The following STX12 variants were observed in gnomAD, a reference collection of about 807,000 sequenced individuals.
The protein encoded by STX12 is syntaxin 12, also known as syntaxin-12.
STX12 carries 17 observed loss-of-function variants against 42.2 expected under a neutral mutation model. The ratio of observed to expected loss-of-function variants is 0.40; its 90% CI spans 0.28 to 0.60. The LOEUF is 0.60. Among genes scored for constraint, STX12 ranks in the 20% least tolerant of loss-of-function variants. STX12 has a pLI of 0.39. For synonymous variants in STX12, 108 were observed against 116.7 expected (o/e 0.93, Z 0.48); for missense variants, 297 against 330.9 (o/e 0.90, Z 0.79).
At chr1:27,780,765 A>G (rs1266214688) in intron 1 of STX12, among the ~76,000 whole-genome samples, 2 of 152,018 alleles carry the variant, frequency 1.3e-5, no homozygotes, top group Non-Finnish European at 2.9e-5. Context: ...CAGCCTGGGC[A>G]ACTTGGCGAA....
chr1:27,801,925 T>A, intron 4 of STX12, 110 bp downstream of exon 4: 1 of 1,371,798 alleles, frequency 7.3e-7, no homozygotes. Context: ...TTAGCTGCTG[T>A]GAAAATGGCA....
intron 8 of STX12, among the ~76,000 whole-genome samples, chr1:27,820,889 T>C (rs967252740): frequency 5.9e-5 from 9 of 151,924 alleles, no homozygotes; most frequent in African/African-American, 1.2e-4. Flanking sequence ...ATGGATGAAA[T>C]TGGAAATCAT....
In STX12 at chr1:27,793,649, T is replaced by C; in HGVS notation, c.288+17T>C. On this transcript the variant is annotated intron_variant, in intron 3 of 8. Transcript: ENST00000373943. ...TCAGAACAGGTTGGTATTTTCTGTT[T>C]TGTTTATTAATAGGAAAGGACTTTG... The C allele has an allele frequency of 6.2e-7, 1 of 1,602,544 alleles. No homozygotes were observed. The highest frequency in any genetic ancestry group is 8.5e-7 in the Non-Finnish European group (1 of 1,169,884).
At chr1:27,776,965 A>G (rs1234778760) in intron 1 of STX12, among the ~76,000 whole-genome samples, 1 of 152,178 alleles carries the variant, frequency 6.6e-6, no homozygotes, top group African/African-American at 2.4e-5. Flanking sequence ...AGTCCCAAAC[A>G]TATGAAAGAT....
At position 27,793,522 on chromosome 1, in the gene STX12, T is replaced by C. The variant is rs996637508; in HGVS notation, c.189-11T>C. The C allele has an allele frequency of 5.2e-5, 84 of 1,612,082 alleles. No homozygotes were observed. The highest frequency in any genetic ancestry group is 7.0e-5 in the Non-Finnish European group (83 of 1,178,216). The stretch of plus-strand genomic sequence containing the variant: ...GTGACAACATCCTGAAACATATCTT[T>C]TCTCTCTTAGGCAACAGTTACAACA... On this transcript the variant is annotated splice_polypyrimidine_tract_variant and intron_variant, in intron 2 of 8. Coordinates refer to ENST00000373943, the MANE Select transcript of STX12 (RefSeq NM_177424.3).
chr1:27,781,627 T>C (rs188489283), intron 1 of STX12, among the ~76,000 whole-genome samples: 79 of 152,310 alleles, frequency 5.2e-4, no homozygotes, highest in African/African-American at 1.9e-3. Flanking sequence ...TTGGTGTATT[T>C]CCTTTGAATT....
intron 8 of STX12, among the ~76,000 whole-genome samples, chr1:27,821,056 T>C (rs1288254312): frequency 2.0e-5 from 3 of 148,344 alleles, no homozygotes; most frequent in Non-Finnish European, 4.5e-5. Flanking sequence ...TTGGGAGATA[T>C]ACCTAATGCT....
intron 3 of STX12, among the ~76,000 whole-genome samples, chr1:27,799,484 TTTTTG>T (rs2088812080): frequency 6.7e-6 from 1 of 148,918 alleles, no homozygotes; most frequent in African/African-American, 2.6e-5. Flanking sequence ...CTTGTTTTTT[TTTTTG>T]TTTTTTTTTT....
intron 4 of STX12, among the ~76,000 whole-genome samples, chr1:27,803,974 C>A (rs1011624562): frequency 6.6e-6 from 1 of 151,770 alleles, no homozygotes; most frequent in Non-Finnish European, 1.5e-5. Flanking sequence ...GTGCTCCAGC[C>A]TGGGCGACAC....
chr1:27,809,333 CAA>C (rs1208072414), intron 4 of STX12, among the ~76,000 whole-genome samples: 2 of 113,948 alleles, frequency 1.8e-5, no homozygotes, highest in Non-Finnish European at 1.8e-5. Context: ...GATTCCATCT[CAA>C]AAAAAAAAAA....
At chr1:27,814,835 C>G (rs985937367) in intron 6 of STX12, among the ~76,000 whole-genome samples, 1 of 135,148 alleles carries the variant, frequency 7.4e-6, no homozygotes, top group African/African-American at 3.1e-5. Context: ...GAGACTCTGT[C>G]TCAAAAAAAA....
chr1:27,781,969 AC>A (rs1445136316), intron 1 of STX12, among the ~76,000 whole-genome samples: 1 of 152,148 alleles, frequency 6.6e-6, no homozygotes, highest in East Asian at 1.9e-4. Context: ...CCTCACAACA[AC>A]CATATGAAGA....
rs568497609 is a variant in STX12 at position 27,792,307 on chromosome 1, T to C, written c.189-1226T>C. Among the ~76,000 whole-genome samples, 293 of 134,224 alleles carry C rather than the reference T, an allele frequency of 2.2e-3. 26 individuals carry two copies. Among genetic ancestry groups the C allele is most frequent in the African/African-American group, 4.0e-3 (131 of 33,136 alleles). 88.1% of individuals were successfully genotyped at this position (134,224 alleles called of 152,430 possible). A position where few individuals can be genotyped will look rare whatever the true frequency, so the allele number is the denominator to read the frequency against. On this transcript the variant is annotated intron_variant, in intron 2 of 8. Transcript: ENST00000373943. ...ATGTAGATACATATATATGTATCTATATATATGTAGATACATATATATGTA... is the reference window on the plus strand; with the variant it reads ...ATGTAGATACATATATATGTATCTACATATATGTAGATACATATATATGTA...
intron 4 of STX12, among the ~76,000 whole-genome samples, chr1:27,807,691 C>A (rs1050244151): frequency 6.6e-6 from 1 of 152,128 alleles, no homozygotes; most frequent in Non-Finnish European, 1.5e-5. Flanking sequence ...AGCAATTCTA[C>A]CCTAGAGAAA....
rs143058250 is a variant in STX12 at position 27,821,890 on chromosome 1, C to T, written c.733-341C>T. Among the ~76,000 whole-genome samples the T allele has an allele frequency of 1.3e-4, 20 of 152,250 alleles. No individual in the cohort carries two copies. The East Asian group carries it at 2.7e-3, about 21-fold the overall frequency. On this transcript the variant is annotated intron_variant, in intron 8 of 8. Coordinates refer to ENST00000373943, the MANE Select transcript of STX12 (RefSeq NM_177424.3). ...AAAACTAGCTGGGCATAGTGGCACA[C>T]GCCTGTAATTCCAGCTGCTCAGGAG...
chr1:27,794,271 C>T (rs1388224314), intron 3 of STX12, among the ~76,000 whole-genome samples: 1 of 152,228 alleles, frequency 6.6e-6, no homozygotes, highest in Admixed American at 6.5e-5. Context: ...AAGCAATCCT[C>T]CCACCTCAGC....
chr1:27,775,502 G>C (rs908733949), intron 1 of STX12, among the ~76,000 whole-genome samples: 3 of 152,172 alleles, frequency 2.0e-5, no homozygotes, highest in African/African-American at 7.2e-5. Flanking sequence ...GAACTCCTGT[G>C]CTCAAGTGAT....
At chr1:27,801,646 T>C in intron 3 of STX12, 32 bp from the exon 4 acceptor site, 1 of 1,471,470 alleles carries the variant, frequency 6.8e-7, no homozygotes, top group Non-Finnish European at 9.0e-7. Flanking sequence ...TGGGTTAATA[T>C]GAAATCTCAA....
rs2235190 is a variant in STX12, at chr1:27,774,182, C to T, written c.118+757C>T. ...TACACAGGGAAGCTAAGACACTTAG[C>T]CACAACCACATAGCAAGTAAGGCAT... On this transcript the variant is annotated intron_variant, in intron 1 of 8. Transcript: ENST00000373943. 1,173 of 152,298 alleles carry T rather than the reference C, an allele frequency of 7.7e-3. 26 individuals carry two copies. Among genetic ancestry groups the T allele is most frequent in the Admixed American group, 0.029 (441 of 15,292 alleles). 9.4% of individuals were successfully genotyped at this position (152,298 alleles called of 1,614,324 possible). A position where few individuals can be genotyped will look rare whatever the true frequency, so the allele number is the denominator to read the frequency against.
Sources: allele counts gnomAD v4.1 joint callset (sites outside exome capture counted in the v4.1 genomes callset), GRCh38; gene constraint gnomAD v4.1.1; transcripts MANE v1.5; gene names NCBI Gene and HGNC (gene_info 2026-07-23, HGNC 2026-07-21).